Variants in RBMS3 observed in about 807,000 individuals in gnomAD.
RBMS3 encodes the protein RNA-binding motif, single-stranded-interacting protein 3.
A neutral mutation model predicts 66.8 loss-of-function variants in RBMS3; 27 were observed. That is an observed-to-expected ratio of 0.40 (90% CI 0.30 to 0.56). The LOEUF (loss-of-function observed/expected upper bound fraction) is 0.56. Ranked by LOEUF, RBMS3 falls within the 20% of genes least tolerant of loss-of-function variation. The probability of loss-of-function intolerance (pLI) is 0.40; values close to 1 mark genes in which losing one functional copy is unlikely to be tolerated. For synonymous variants in RBMS3, 188 were observed against 183.0 expected (o/e 1.03, Z -0.22); for missense variants, 513 against 549.5 (o/e 0.93, Z 0.66).
At chr3:29,836,454 CAGA>C (rs2058510322) in intron 6 of RBMS3, among the ~76,000 whole-genome samples, 1 of 151,890 alleles carries the variant, frequency 6.6e-6, no homozygotes, top group Admixed American at 6.6e-5. Flanking sequence ...AAGCCAAACA[CAGA>C]AGAACATATA....
intron 2 of RBMS3, among the ~76,000 whole-genome samples, chr3:29,453,332 A>G (rs1243855934): frequency 6.6e-6 from 1 of 152,224 alleles, no homozygotes; most frequent in Non-Finnish European, 1.5e-5. Context: ...TAGACAAGGA[A>G]GTGTTCTGTG....
chr3:29,543,236 G>A (rs1223244094), intron 3 of RBMS3, among the ~76,000 whole-genome samples: 1 of 150,816 alleles, frequency 6.6e-6, no homozygotes, highest in Non-Finnish European at 1.5e-5. Context: ...TATATTTTCT[G>A]AATGCAATTT....
chr3:29,285,883 G>C (rs1197739476), intron 1 of RBMS3, among the ~76,000 whole-genome samples: 1 of 152,056 alleles, frequency 6.6e-6, no homozygotes, highest in Non-Finnish European at 1.5e-5. Flanking sequence ...TCCTTCAAAA[G>C]CAAAACAAAA....
chr3:29,645,355 T>C (rs540639714), intron 4 of RBMS3, among the ~76,000 whole-genome samples: 22 of 152,344 alleles, frequency 1.4e-4, no homozygotes, highest in African/African-American at 5.3e-4. Context: ...TTTGTAAAAG[T>C]TCGGCTTTGT....
chr3:29,739,498 A>G (rs533222093), intron 4 of RBMS3, among the ~76,000 whole-genome samples: 2 of 151,690 alleles, frequency 1.3e-5, no homozygotes, highest in South Asian at 2.1e-4. Context: ...TAGTCTTTCT[A>G]AGGAATGATG....
intron 11 of RBMS3, among the ~76,000 whole-genome samples, chr3:29,938,935 A>G (rs115862779): frequency 1.3e-5 from 2 of 152,004 alleles, no homozygotes; most frequent in Non-Finnish European, 2.9e-5. Context: ...GACAATATGC[A>G]GCATATCTTA....
chr3:29,307,044 T>C (rs2034061213), intron 1 of RBMS3, among the ~76,000 whole-genome samples: 1 of 151,938 alleles, frequency 6.6e-6, no homozygotes, highest in Non-Finnish European at 1.5e-5. Context: ...CGCACTGTTT[T>C]AAAATTATAT....
chr3:29,720,857 G>C (rs764014167), intron 4 of RBMS3, among the ~76,000 whole-genome samples: 2 of 152,076 alleles, frequency 1.3e-5, no homozygotes, highest in African/African-American at 2.4e-5. Flanking sequence ...GAGGCCTGCT[G>C]TCATTGTCTG....
chr3:29,679,808 A>C (rs2051413295), intron 4 of RBMS3, among the ~76,000 whole-genome samples: 1 of 148,228 alleles, frequency 6.7e-6, no homozygotes, highest in Non-Finnish European at 1.5e-5. Context: ...GTTATAAATT[A>C]CTGCTAAAAC....
intron 6 of RBMS3, among the ~76,000 whole-genome samples, chr3:29,864,632 G>C (rs1408842460): frequency 6.6e-6 from 1 of 152,052 alleles, no homozygotes; most frequent in Admixed American, 6.6e-5. Flanking sequence ...TTCACAGTTG[G>C]GAACTGGGAA....
At chr3:29,589,707 A>T (rs187530503) in intron 4 of RBMS3, among the ~76,000 whole-genome samples, 4 of 152,052 alleles carry the variant, frequency 2.6e-5, no homozygotes, top group Non-Finnish European at 2.9e-5. Flanking sequence ...TTATCATATA[A>T]ACCTGCAGTC....
chr3:29,921,455 A>G (rs1453256643), intron 10 of RBMS3, among the ~76,000 whole-genome samples: 1 of 143,382 alleles, frequency 7.0e-6, no homozygotes, highest in Non-Finnish European at 1.5e-5. Context: ...TCCCATTGCC[A>G]TACAAATTCT....
At chr3:29,465,234 A>G (rs1185748642) in intron 2 of RBMS3, among the ~76,000 whole-genome samples, 5 of 152,204 alleles carry the variant, frequency 3.3e-5, no homozygotes, top group Non-Finnish European at 7.3e-5. Flanking sequence ...GCCACAGAAG[A>G]AGTCATGTGA....
chr3:29,849,420 A>G (rs1321144475), intron 6 of RBMS3, among the ~76,000 whole-genome samples: 1 of 151,684 alleles, frequency 6.6e-6, no homozygotes, highest in East Asian at 2.0e-4. Context: ...AGGCTAAGGC[A>G]GGAGAATTGC....
At chr3:29,462,022 C>T (rs1445964683) in intron 2 of RBMS3, among the ~76,000 whole-genome samples, 8 of 149,058 alleles carry the variant, frequency 5.4e-5, no homozygotes, top group African/African-American at 1.7e-4. Flanking sequence ...ATGATCCGCC[C>T]GTCTCAGCTT....
chr3:29,596,665 T>C (rs763817062), intron 4 of RBMS3, among the ~76,000 whole-genome samples: 2 of 152,210 alleles, frequency 1.3e-5, no homozygotes, highest in Non-Finnish European at 2.9e-5. Flanking sequence ...TCCAAGGAGA[T>C]CATAAGTCTG....
At chr3:29,514,595 C>T (rs2044536299) in intron 3 of RBMS3, among the ~76,000 whole-genome samples, 1 of 145,276 alleles carries the variant, frequency 6.9e-6, no homozygotes, top group South Asian at 2.2e-4. Flanking sequence ...AGCGATTTAT[C>T]CCCAAATGCT....
chr3:29,531,016 G>T (rs2045333754), intron 3 of RBMS3, among the ~76,000 whole-genome samples: 1 of 152,134 alleles, frequency 6.6e-6, no homozygotes, highest in South Asian at 2.1e-4. Flanking sequence ...TCCTCCCAGG[G>T]ATACTTATGT....
chr3:29,699,817 G>A (rs1329357431), intron 4 of RBMS3, among the ~76,000 whole-genome samples: 2 of 152,192 alleles, frequency 1.3e-5, no homozygotes, highest in South Asian at 2.1e-4. Context: ...CAGTGCACAT[G>A]TACCTACATT....
Sources: gnomAD v4.1 joint callset for allele counts (sites outside exome capture counted in the v4.1 genomes callset) on GRCh38, gnomAD v4.1.1 for gene constraint, MANE v1.5 for transcripts, NCBI Gene and HGNC (gene_info 2026-07-23, HGNC 2026-07-21) for gene names.